FKBP4: variants seen among roughly 807,000 people sequenced by gnomAD.
The protein encoded by FKBP4 is FKBP prolyl isomerase 4, also known as peptidyl-prolyl cis-trans isomerase FKBP4.
In FKBP4, 28 loss-of-function variants were observed where a neutral mutation model predicts 54.1. The ratio of observed to expected loss-of-function variants is 0.52; its 90% CI spans 0.38 to 0.71. FKBP4 has a LOEUF of 0.71. Among genes scored for constraint, FKBP4 ranks in the 30% least tolerant of loss-of-function variants. The probability of loss-of-function intolerance (pLI) is 0.00; values close to 1 mark genes in which losing one functional copy is unlikely to be tolerated. For missense variants in FKBP4, 493 were observed against 574.4 expected, an observed-to-expected ratio of 0.86 and a Z score of 1.45; for synonymous variants, 223 against 216.1, an observed-to-expected ratio of 1.03 and a Z score of -0.28.
At chr12:2,796,133 C>G (rs1240280729) in intron 1 of FKBP4, 2 of 1,234,136 alleles carry the variant, frequency 1.6e-6, no homozygotes, top group Non-Finnish European at 1.0e-6. Context: ...GAATTCCCAG[C>G]CTGCGTCTTA....
rs964651042 is a variant in FKBP4 at position 2,804,918 on chromosome 12, T to A, written c.*1660T>A. On this transcript the variant is annotated 3_prime_UTR_variant, in exon 10 of 10. Transcript: ENST00000001008. ...CAAGAGAGTGAGACCATCTCTTTTTTAAAAAAGTCCCTGTGTAACTGCTTT... is the reference window on the plus strand; with the variant it reads ...CAAGAGAGTGAGACCATCTCTTTTTAAAAAAAGTCCCTGTGTAACTGCTTT... 1 of 220,108 alleles carries A rather than the reference T, an allele frequency of 4.5e-6. No individual in the cohort carries two copies. Among genetic ancestry groups the A allele is most frequent in the East Asian group, 1.5e-4 (1 of 6,646 alleles). 13.6% of individuals were successfully genotyped at this position (220,108 alleles called of 1,614,324 possible). A position where few individuals can be genotyped will look rare whatever the true frequency, so the allele number is the denominator to read the frequency against.
intron 4 of FKBP4, 80 bp from the exon 5 acceptor site, chr12:2,799,008 G>A: frequency 6.8e-7 from 1 of 1,464,968 alleles, no homozygotes. Context: ...TGATGGGGGT[G>A]ATGCAGGGAG....
intron 9 of FKBP4, among the ~76,000 whole-genome samples, chr12:2,802,334 C>A (rs2153920635): frequency 6.6e-6 from 1 of 152,212 alleles, no homozygotes; most frequent in East Asian, 1.9e-4. Flanking sequence ...GACGAAGTTT[C>A]ATCATGTTGA....
chr12:2,797,987 C>G, intron 3 of FKBP4, 116 bp downstream of exon 3: 1 of 1,309,662 alleles, frequency 7.6e-7, no homozygotes. Flanking sequence ...GGCTGAGGGT[C>G]TGGCCTTATG....
chr12:2,800,493 C>T lies in FKBP4; in HGVS notation c.948C>T (p.Ala316=). The change falls in exon 8 of 10, where the codon GCC becomes GCT. Residue 316 remains alanine, a synonymous_variant. Coordinates refer to ENST00000001008, the MANE Select transcript of FKBP4 (RefSeq NM_002014.4). ...FSNEEAQKAQ[A]LRLASHLNLA... ...ATGAGGAAGCACAGAAAGCACAGGC[C>T]CTTCGACTGGCCTCTCACCTCAACC... 1 of 1,614,140 alleles carries T rather than the reference C, an allele frequency of 6.2e-7. No homozygotes were observed. Among genetic ancestry groups the T allele is most frequent in the Non-Finnish European group, 8.5e-7 (1 of 1,180,020 alleles).
Position 2,800,052 on chromosome 12 carries a change from G to A in FKBP4, c.776G>A (p.Trp259Ter). The A allele has an allele frequency of 6.2e-7, 1 of 1,614,156 alleles. No individual in the cohort carries two copies. Among genetic ancestry groups the A allele is most frequent in the Non-Finnish European group, 8.5e-7 (1 of 1,180,042 alleles). ...LKSFEKAKES[W>*]EMNSEEKLEQ... ...GGGGTGTGGCAGGCCAAGGAGTCTT[G>A]GGAGATGAATTCAGAAGAGAAGCTG... is the stretch of plus-strand genomic sequence containing the variant. The change falls in exon 7 of 10, where the codon TGG (tryptophan) becomes TAG (stop). Residue 259 changes from tryptophan (W) to a stop codon, truncating the protein, a stop_gained. Transcript: ENST00000001008. LOFTEE classifies it high-confidence loss of function.
chr12:2,803,213 G>C lies in FKBP4; in HGVS notation c.1335G>C (p.Lys445Asn), dbSNP rs1250039255. 1.2e-6 allele frequency: 2 copies of C among 1,603,940 alleles called. No homozygotes were observed. Among genetic ancestry groups the C allele is most frequent in the East Asian group, 2.3e-5 (1 of 44,362 alleles). Residue 445 changes from lysine to asparagine, a missense_variant, in exon 10 of 10, where the codon AAG becomes AAC. By Grantham distance (94) the Lys-to-Asn change is moderately conservative. Coordinates refer to ENST00000001008, the MANE Select transcript of FKBP4 (RefSeq NM_002014.4). Reference protein sequence around the residue: ...PTDTEMKEEQKSNTAGSQSQV... With the variant: ...PTDTEMKEEQNSNTAGSQSQV... ...ACACAGAGATGAAGGAGGAGCAGAA[G>C]AGCAACACGGCAGGGAGCCAGTCTC...
At position 2,800,494 on chromosome 12, in the gene FKBP4, C is replaced by T; in HGVS notation, c.949C>T (p.Leu317Phe). ...TGAGGAAGCACAGAAAGCACAGGCC[C>T]TTCGACTGGCCTCTCACCTCAACCT... is the stretch of plus-strand genomic sequence containing the variant. ...SNEEAQKAQA[L>F]RLASHLNLAM... The change falls in exon 8 of 10, where the codon CTT (leucine) becomes TTT (phenylalanine). Residue 317 changes from leucine (L) to phenylalanine (F), a missense_variant. Leu to Phe is a conservative substitution (Grantham distance 22). Coordinates refer to ENST00000001008, the MANE Select transcript of FKBP4 (RefSeq NM_002014.4). 1 of 1,614,190 alleles carries T rather than the reference C, an allele frequency of 6.2e-7. No homozygotes were observed. Among genetic ancestry groups the T allele is most frequent in the Non-Finnish European group, 8.5e-7 (1 of 1,180,034 alleles).
chr12:2,797,413 C>A, intron 2 of FKBP4, 131 bp downstream of exon 2: 5 of 812,790 alleles, frequency 6.2e-6, no homozygotes, highest in Non-Finnish European at 9.1e-6. Flanking sequence ...TTCGGTCACT[C>A]TTTTTTTTTT....
rs906541666 is a variant in FKBP4 at position 2,803,392 on chromosome 12, T to C, written c.*134T>C. On this transcript the variant is annotated 3_prime_UTR_variant, in exon 10 of 10. Coordinates refer to ENST00000001008, the MANE Select transcript of FKBP4 (RefSeq NM_002014.4). Reference sequence around the variant, plus strand: ...TTTCTATCTGGTTGGATGGTGGCTTTAGGGGAAGGGGGAAAGGTGTAGGCT... The same window carrying C: ...TTTCTATCTGGTTGGATGGTGGCTTCAGGGGAAGGGGGAAAGGTGTAGGCT... The C allele has an allele frequency of 9.0e-6, 6 of 663,868 alleles. No homozygotes were observed. The highest frequency in any genetic ancestry group is 1.6e-5 in the Non-Finnish European group (6 of 382,754). The allele number at this position is 663,868 out of a possible 1,614,324, so 41.1% of individuals were successfully genotyped here.
At chr12:2,796,311 T>C (rs1269775036) in intron 1 of FKBP4, 16 of 1,289,080 alleles carry the variant, frequency 1.2e-5, no homozygotes, top group Admixed American at 1.1e-4. Context: ...TCCTGTGGCA[T>C]GTGACTTCCC....
At position 2,800,587 on chromosome 12, in the gene FKBP4, C is replaced by T; in HGVS notation, c.1032+10C>T. On this transcript the variant is annotated intron_variant, in intron 8 of 9. Transcript: ENST00000001008. ...TGAAAGCTGTAACAAGGTGAGGCCC[C>T]CTCAGAGGTCATGGAAGCAGCATTC... 1 of 1,592,162 alleles carries T rather than the reference C, an allele frequency of 6.3e-7. No individual in the cohort carries two copies. The highest frequency in any genetic ancestry group is 8.5e-7 in the Non-Finnish European group (1 of 1,171,020).
chr12:2,798,736 C>A lies in FKBP4; in HGVS notation c.424C>A (p.Leu142Met). 4 of 1,613,868 alleles carry A rather than the reference C, an allele frequency of 2.5e-6. No individual in the cohort carries two copies. The highest frequency in any genetic ancestry group is 3.4e-6 in the Non-Finnish European group (4 of 1,179,980). ...VELFEFKGED[L>M]TEEEDGGIIR... is the part of the protein sequence containing the mutation. ...GTTGTTTGAGTTTAAGGGAGAAGAT[C>A]TGACGGAAGAGGAAGATGGCGGAAT... Residue 142 changes from leucine (L) to methionine (M), a missense_variant, in exon 4 of 10, where the codon CTG becomes ATG. By Grantham distance (15) the Leu-to-Met change is conservative. Transcript: ENST00000001008. This position sits in a 1 kb window ranked among gnomAD's most constrained non-coding sequence, Gnocchi z 4.3.
rs2097903080 is a variant in FKBP4, at chr12:2,798,500, AT to A, written c.394-205del. On this transcript the variant is annotated intron_variant, in intron 3 of 9. Transcript: ENST00000001008. This position sits in a 1 kb window ranked among gnomAD's most constrained non-coding sequence, Gnocchi z 4.3. The stretch of plus-strand genomic sequence containing the variant: ...GCTCTCCTCAGCTTAACTGAAATCT[AT>A]GTAGTCTGCCCACCTCTACCAAAGT... Among the ~76,000 whole-genome samples the A allele has an allele frequency of 6.6e-6, 1 of 152,164 alleles. No homozygotes were observed. Among genetic ancestry groups the A allele is most frequent in the Non-Finnish European group, 1.5e-5 (1 of 68,026 alleles).
Position 2,801,320 on chromosome 12 carries a change from C to G in FKBP4, c.1236C>G (p.Ala412=). The change falls in exon 9 of 10, where the codon GCC becomes GCG. Residue 412 remains alanine (A), a synonymous_variant. Transcript: ENST00000001008. ...TTGCCCGGGAGAAGAAGCTCTATGCCAATATGTTTGAGAGGCTGGCTGAGG... is the reference window on the plus strand; with the variant it reads ...TTGCCCGGGAGAAGAAGCTCTATGCGAATATGTTTGAGAGGCTGGCTGAGG... ...RQLAREKKLY[A]NMFERLAEEE... is the part of the protein sequence containing the mutation. 1 of 1,614,152 alleles carries G rather than the reference C, an allele frequency of 6.2e-7. No homozygotes were observed. Among genetic ancestry groups the G allele is most frequent in the Non-Finnish European group, 8.5e-7 (1 of 1,180,030 alleles).
Position 2,798,943 on chromosome 12 carries a change from G to T in FKBP4, c.514+117G>T. 1 of 1,418,290 alleles carries T rather than the reference G, an allele frequency of 7.1e-7. No homozygotes were observed. The highest frequency in any genetic ancestry group is 1.3e-5 in the South Asian group (1 of 78,328). The allele number at this position is 1,418,290 out of a possible 1,614,324, so 87.9% of individuals were successfully genotyped here. On this transcript the variant is annotated intron_variant, in intron 4 of 9. Coordinates refer to ENST00000001008, the MANE Select transcript of FKBP4 (RefSeq NM_002014.4). The surrounding 1 kb of genome is among the most constrained non-coding windows in gnomAD (Gnocchi z 4.3). ...CTTCTTGTCCATAAAATGAGGGGTT[G>T]GACCATATTCTCTTCATATCACTCC...
rs1206456952 is a variant in FKBP4, at chr12:2,797,122, T to TC, written c.106-11dup. 1.9e-6 allele frequency: 3 copies of TC among 1,611,750 alleles called. No homozygotes were observed. The South Asian group carries it at 3.3e-5, about 18-fold the overall frequency. ...CCCAAACCCTGGGGTACTCACTTTC[T>TC]CCCCCTTCCTCCCAGGTCATCAAGA... is the stretch of plus-strand genomic sequence containing the variant. On this transcript the variant is annotated splice_polypyrimidine_tract_variant and intron_variant, in intron 1 of 9. Transcript: ENST00000001008.
chr12:2,803,184 A>T lies in FKBP4; in HGVS notation c.1306A>T (p.Thr436Ser), dbSNP rs1042228. Residue 436 changes from threonine (T) to serine (S), a missense_variant, in exon 10 of 10, where the codon ACT becomes TCT. Transcript: ENST00000001008. Reference sequence around the variant, plus strand: ...AGAGGCTTCCTCAGGAGACCATCCCACTGACACAGAGATGAAGGAGGAGCA... The same window carrying T: ...AGAGGCTTCCTCAGGAGACCATCCCTCTGACACAGAGATGAAGGAGGAGCA... Reference protein sequence around the residue: ...KAEASSGDHPTDTEMKEEQKS... With the variant: ...KAEASSGDHPSDTEMKEEQKS... 1.2e-6 allele frequency: 2 copies of T among 1,606,778 alleles called. No individual in the cohort carries two copies. Among genetic ancestry groups the T allele is most frequent in the Admixed American group, 3.4e-5 (2 of 59,276 alleles).
In FKBP4 at chr12:2,798,779, C is replaced by CT. The variant is rs771724693; in HGVS notation, c.468dup (p.Arg157SerfsTer3). Reference sequence around the variant, plus strand: ...GGCGGAATCATTCGCAGAATACAGACTCGCGGTGAAGGCTATGCTAAGCCC... The same window carrying CT: ...GGCGGAATCATTCGCAGAATACAGACTTCGCGGTGAAGGCTATGCTAAGCCC... On this transcript the variant is annotated frameshift_variant, in exon 4 of 10. Coordinates refer to ENST00000001008, the MANE Select transcript of FKBP4 (RefSeq NM_002014.4). LOFTEE classifies it high-confidence loss of function. This position sits in a 1 kb window ranked among gnomAD's most constrained non-coding sequence, Gnocchi z 4.3. 6.2e-7 allele frequency: 1 copy of CT among 1,614,186 alleles called. No individual in the cohort carries two copies. The highest frequency in any genetic ancestry group is 8.5e-7 in the Non-Finnish European group (1 of 1,180,048).
Sources: gnomAD v4.1 joint callset for allele counts (sites outside exome capture counted in the v4.1 genomes callset) on GRCh38, gnomAD v4.1.1 for gene constraint, Gnocchi (gnomAD v3.1) non-coding constraint, MANE v1.5 for transcripts, NCBI Gene and HGNC (gene_info 2026-07-23, HGNC 2026-07-21) for gene names.